The following TAOK1 variants were observed in gnomAD, a reference collection of about 807,000 sequenced individuals.
TAOK1 encodes TAO kinase 1.
A neutral mutation model predicts 138.3 loss-of-function variants in TAOK1; 21 were observed. The ratio of observed to expected loss-of-function variants is 0.15; its 90% CI spans 0.11 to 0.22. The LOEUF (loss-of-function observed/expected upper bound fraction) is 0.22. Ranked by LOEUF, TAOK1 falls within the 10% of genes least tolerant of loss-of-function variation. The pLI, the probability that TAOK1 is intolerant of heterozygous loss-of-function variation, is 1.00. For missense variants in TAOK1, 651 were observed against 1,227.7 expected (o/e 0.53, Z 7.02); for synonymous variants, 361 against 398.4 (o/e 0.91, Z 1.12).
At chr17:29,441,759 C>T (rs967311793) in intron 1 of TAOK1, among the ~76,000 whole-genome samples, 4 of 151,730 alleles carry the variant, frequency 2.6e-5, no homozygotes, top group Non-Finnish European at 4.4e-5. Context: ...ACTAGCTGGG[C>T]GTGGTGTGCG....
chr17:29,451,719 C>T (rs1413004021), intron 2 of TAOK1, 39 bp downstream of exon 2: 1 of 1,596,864 alleles, frequency 6.3e-7, no homozygotes, highest in Non-Finnish European at 8.5e-7. Context: ...CTAAAATTTA[C>T]TTAATGTCCA....
At chr17:29,431,912 T>G (rs1222964185) in intron 1 of TAOK1, among the ~76,000 whole-genome samples, 1 of 151,288 alleles carries the variant, frequency 6.6e-6, no homozygotes, top group East Asian at 2.0e-4. Flanking sequence ...GTTCAAGCGA[T>G]TCTCCTACCT....
chr17:29,523,632 C>T (rs1365950011), intron 17 of TAOK1, among the ~76,000 whole-genome samples: 5 of 152,120 alleles, frequency 3.3e-5, no homozygotes, highest in Non-Finnish European at 7.4e-5. Context: ...GTGATCCACC[C>T]GCCTCGGCCT....
At chr17:29,471,237 A>C (rs372735893) in intron 3 of TAOK1, among the ~76,000 whole-genome samples, 1 of 151,710 alleles carries the variant, frequency 6.6e-6, no homozygotes, top group East Asian at 1.9e-4. Context: ...TTGTCTAAAA[A>C]AGACAGTGTA....
At chr17:29,508,191 C>T in intron 14 of TAOK1, 59 bp downstream of exon 14, 2 of 1,458,740 alleles carry the variant, frequency 1.4e-6, no homozygotes, top group East Asian at 4.6e-5. Flanking sequence ...TCAGAATTAA[C>T]CAACATGGCA....
intron 17 of TAOK1, among the ~76,000 whole-genome samples, chr17:29,524,332 A>G (rs1260314298): frequency 6.6e-6 from 1 of 152,200 alleles, no homozygotes; most frequent in Non-Finnish European, 1.5e-5. Context: ...GCACCGAGGA[A>G]TAAACCAAAC....
At chr17:29,430,655 A>G (rs1369029966) in intron 1 of TAOK1, among the ~76,000 whole-genome samples, 1 of 152,128 alleles carries the variant, frequency 6.6e-6, no homozygotes, top group African/African-American at 2.4e-5. Flanking sequence ...ATTTAGTTCT[A>G]GGAAATTGGC....
At chr17:29,435,442 T>G (rs1905996179) in intron 1 of TAOK1, among the ~76,000 whole-genome samples, 1 of 152,218 alleles carries the variant, frequency 6.6e-6, no homozygotes, top group African/African-American at 2.4e-5. Flanking sequence ...AGAATAATTA[T>G]GTCTACATAG....
chr17:29,540,723 A>G (rs2032301709), intron 19 of TAOK1, among the ~76,000 whole-genome samples: 1 of 152,204 alleles, frequency 6.6e-6, no homozygotes, highest in Non-Finnish European at 1.5e-5. Flanking sequence ...GGCATGTGCC[A>G]CCACGCCCGG....
intron 10 of TAOK1, among the ~76,000 whole-genome samples, chr17:29,493,445 G>T (rs1215482486): frequency 6.6e-6 from 1 of 151,028 alleles, no homozygotes; most frequent in Non-Finnish European, 1.5e-5. Context: ...GGTGAGCTGA[G>T]ATCGCACCAT....
chr17:29,391,923 T>G lies in TAOK1; in HGVS notation c.-95+899T>G, dbSNP rs142816764. Among the ~76,000 whole-genome samples the G allele has an allele frequency of 1.6e-3, 250 of 152,328 alleles. 2 individuals are homozygous for G. The highest frequency in any genetic ancestry group is 3.1e-3 in the Non-Finnish European group (212 of 68,020). ...CTTTTTCTATGACTTTTGTAGTTCA[T>G]GAAGAATTATTGGCCTGGCGCGGTG... On this transcript the variant is annotated intron_variant, in intron 1 of 19. Coordinates refer to ENST00000261716, the MANE Select transcript of TAOK1 (RefSeq NM_020791.4).
intron 1 of TAOK1, among the ~76,000 whole-genome samples, chr17:29,391,284 G>A (rs1020045780): frequency 2.6e-5 from 4 of 152,148 alleles, no homozygotes; most frequent in African/African-American, 4.8e-5. Flanking sequence ...GGAAGGTGTG[G>A]CCCTCACAGG....
At chr17:29,534,928 G>GGT (rs71138832) in intron 19 of TAOK1, among the ~76,000 whole-genome samples, 13,642 of 147,218 alleles carry the variant, frequency 0.093, 637 homozygotes, top group East Asian at 0.15. Context: ...AGGATACTAA[G>GGT]GTGTGTGTGT....
chr17:29,456,358 A>T lies in TAOK1; in HGVS notation c.132+4678A>T, dbSNP rs555208870. On this transcript the variant is annotated intron_variant, in intron 2 of 19. Transcript: ENST00000261716. ...TAGAGCGAGACTCTGTCTCCGGGAA[A>T]AAAAAAATGTTTGGTAGAATTTCCT... 6.0e-5 allele frequency among the ~76,000 whole-genome samples: 9 copies of T among 150,354 alleles called. No homozygotes were observed. In the South Asian group the frequency reaches 1.0e-3, roughly 17 times the overall value.
rs1013229722 is a variant in TAOK1 at position 29,550,388 on chromosome 17, G to A, written c.*7366G>A. On this transcript the variant is annotated 3_prime_UTR_variant, in exon 20 of 20. Transcript: ENST00000261716. ...ACTTGTGTTGCTAAATTCTATTTAT[G>A]TAAGTCTGCTAAAGTTTTTTAGCCC... 1 of 152,080 alleles carries A rather than the reference G, an allele frequency of 6.6e-6. No homozygotes were observed. Among genetic ancestry groups the A allele is most frequent in the African/African-American group, 2.4e-5 (1 of 41,404 alleles). The allele number at this position is 152,080 out of a possible 1,614,324, so 9.4% of individuals were successfully genotyped here. A position where few individuals can be genotyped will look rare whatever the true frequency, so the allele number is the denominator to read the frequency against.
In TAOK1 at chr17:29,541,383, T is replaced by G. The variant is rs536205837; in HGVS notation, c.2545-1178T>G. Among the ~76,000 whole-genome samples the G allele has an allele frequency of 1.7e-4, 26 of 150,270 alleles. No individual in the cohort carries two copies. In the South Asian group the frequency reaches 4.0e-3, roughly 23 times the overall value. Reference sequence around the variant, plus strand: ...CCTCAGCCTCCCAAAGTGCTGAGATTATGGGCGTGATCCACCGCGCCCGGC... The same window carrying G: ...CCTCAGCCTCCCAAAGTGCTGAGATGATGGGCGTGATCCACCGCGCCCGGC... On this transcript the variant is annotated intron_variant, in intron 19 of 19. Coordinates refer to ENST00000261716, the MANE Select transcript of TAOK1 (RefSeq NM_020791.4).
intron 15 of TAOK1, chr17:29,513,399 T>C (rs1007759458): frequency 1.3e-5 from 2 of 152,206 alleles, no homozygotes; most frequent in Admixed American, 6.5e-5. Context: ...TTTCCAACTA[T>C]AAATAAATCT....
At chr17:29,473,534 A>C (rs1003876904) in intron 3 of TAOK1, among the ~76,000 whole-genome samples, 3 of 150,730 alleles carry the variant, frequency 2.0e-5, no homozygotes, top group Non-Finnish European at 4.4e-5. Flanking sequence ...AGGAGGCAGA[A>C]GTTGTAGTGA....
At chr17:29,482,073 C>A (rs11080103) in intron 7 of TAOK1, 124 bp from the exon 8 acceptor site, 127,365 of 636,806 alleles carry the variant, frequency 0.2, 17,874 homozygotes, top group East Asian at 0.67. Context: ...TATAAAAATT[C>A]TTATGTCCAG....
Sources: gnomAD v4.1 joint callset for allele counts (sites outside exome capture counted in the v4.1 genomes callset) on GRCh38, gnomAD v4.1.1 for gene constraint, MANE v1.5 for transcripts, NCBI Gene and HGNC (gene_info 2026-07-23, HGNC 2026-07-21) for gene names.